RAB38: variants seen among roughly 807,000 people sequenced by gnomAD.
The protein encoded by RAB38 is ras-related protein Rab-38.
In RAB38, 15 loss-of-function variants were observed where a neutral mutation model predicts 18.4. The observed-to-expected ratio is 0.82, with a 90% CI of 0.55 to 1.26. The LOEUF is 1.26. Ranked by LOEUF, RAB38 falls within the 50% of genes most tolerant of loss-of-function variation. The pLI is 0.00. For synonymous variants in RAB38, 101 were observed against 104.4 expected, an observed-to-expected ratio of 0.97 and a Z score of 0.20; for missense variants, 294 against 267.4, an observed-to-expected ratio of 1.10 and a Z score of -0.69.
chr11:88,035,992 AAAATT>A, the RAB38 span, among the ~76,000 whole-genome samples: 42 of 152,274 alleles, frequency 2.8e-4, no homozygotes, highest in East Asian at 4.0e-3. Flanking sequence ...AAAAAATAAT[AAAATT>A]AAATTAAATT....
chr11:87,870,776 G>T, the RAB38 span, among the ~76,000 whole-genome samples: 11 of 151,592 alleles, frequency 7.3e-5, no homozygotes, highest in Non-Finnish European at 1.3e-4. Flanking sequence ...GAAAGAGGGG[G>T]TTGAAAGTGA....
the RAB38 span, among the ~76,000 whole-genome samples, chr11:88,066,891 T>C: frequency 6.6e-6 from 1 of 152,234 alleles, no homozygotes; most frequent in Non-Finnish European, 1.5e-5. Flanking sequence ...CACATTTTCA[T>C]TACTTCAGAA....
At chr11:88,049,703 G>C in the RAB38 span, among the ~76,000 whole-genome samples, 1,916 of 152,190 alleles carry the variant, frequency 0.013, 46 homozygotes, top group African/African-American at 0.044. Flanking sequence ...CCTGCTCTTT[G>C]CTCCGTGAGA....
chr11:87,873,922 G>GTATATATATATATATA, the RAB38 span, among the ~76,000 whole-genome samples: 570 of 102,974 alleles, frequency 5.5e-3, 8 homozygotes, highest in African/African-American at 0.012. Context: ...GTGTGTGTGT[G>GTATATATATATATATA]TATATATATA....
the RAB38 span, among the ~76,000 whole-genome samples, chr11:88,081,809 T>C: frequency 6.6e-6 from 1 of 151,920 alleles, no homozygotes; most frequent in Non-Finnish European, 1.5e-5. Flanking sequence ...GAACGCCACA[T>C]TCAACCCTCT....
the RAB38 span, among the ~76,000 whole-genome samples, chr11:88,026,461 G>A: frequency 3.3e-5 from 5 of 151,028 alleles, no homozygotes; most frequent in South Asian, 2.1e-4. Context: ...TACTCAGGAG[G>A]CTGAGGCAGG....
At chr11:88,164,634 C>T (rs1943227594) in intron 1 of RAB38, among the ~76,000 whole-genome samples, 1 of 148,306 alleles carries the variant, frequency 6.7e-6, no homozygotes, top group African/African-American at 2.5e-5. Context: ...TATGCGTTCT[C>T]TTTTTTTTTC....
At chr11:87,954,146 G>A in the RAB38 span, among the ~76,000 whole-genome samples, 1 of 152,162 alleles carries the variant, frequency 6.6e-6, no homozygotes, top group African/African-American at 2.4e-5. Flanking sequence ...TTAAAATGTA[G>A]TCTTGTGTCT....
the RAB38 span, among the ~76,000 whole-genome samples, chr11:88,037,797 A>T: frequency 6.6e-6 from 1 of 152,156 alleles, no homozygotes; most frequent in Non-Finnish European, 1.5e-5. Context: ...TCCATTGTAA[A>T]GATATAATAA....
chr11:88,113,918 A>G lies in RAB38; in HGVS notation c.*70T>C. 2 of 1,578,090 alleles carry G rather than the reference A, an allele frequency of 1.3e-6. No homozygotes were observed. The highest frequency in any genetic ancestry group is 1.7e-6 in the Non-Finnish European group (2 of 1,149,164). ...ATCTCTATCCTGACGTTTACCCAAA[A>G]TGGTAAAAATAGAGGCACAATTTGT... On this transcript the variant is annotated 3_prime_UTR_variant, in exon 3 of 3. Coordinates refer to ENST00000243662, the MANE Select transcript of RAB38 (RefSeq NM_022337.3).
chr11:88,142,191 T>G (rs1942923567), intron 2 of RAB38, among the ~76,000 whole-genome samples: 1 of 152,220 alleles, frequency 6.6e-6, no homozygotes. Flanking sequence ...TTGCAGATCA[T>G]GGAAAATGTG....
chr11:88,028,332 C>T, the RAB38 span, among the ~76,000 whole-genome samples: 3 of 152,196 alleles, frequency 2.0e-5, no homozygotes, highest in African/African-American at 7.2e-5. Context: ...CTCTCCTCCT[C>T]CAAAGGAATG....
the RAB38 span, among the ~76,000 whole-genome samples, chr11:87,937,408 ATTGTT>A: frequency 6.9e-6 from 1 of 144,776 alleles, no homozygotes; most frequent in Non-Finnish European, 1.5e-5. Flanking sequence ...TGGTTTGTAG[ATTGTT>A]TTGTACTGTC....
the RAB38 span, among the ~76,000 whole-genome samples, chr11:87,862,246 C>G: frequency 1.3e-5 from 2 of 151,886 alleles, no homozygotes; most frequent in African/African-American, 4.8e-5. Context: ...ATAGCAAAGA[C>G]ATAGAATCAA....
chr11:87,958,305 T>A, the RAB38 span, among the ~76,000 whole-genome samples: 3 of 152,202 alleles, frequency 2.0e-5, no homozygotes, highest in Non-Finnish European at 4.4e-5. Context: ...AAGATGCATT[T>A]CTTAGCTACA....
chr11:87,951,335 T>C, the RAB38 span, among the ~76,000 whole-genome samples: 1 of 152,252 alleles, frequency 6.6e-6, no homozygotes, highest in South Asian at 2.1e-4. Context: ...TGCCATTGGT[T>C]CGAATTTCCT....
At chr11:87,944,107 T>A in the RAB38 span, among the ~76,000 whole-genome samples, 1 of 152,174 alleles carries the variant, frequency 6.6e-6, no homozygotes. Flanking sequence ...ATGTTTATAC[T>A]ATGGTCTATT....
chr11:87,879,087 G>A, the RAB38 span, among the ~76,000 whole-genome samples: 26 of 150,424 alleles, frequency 1.7e-4, no homozygotes, highest in African/African-American at 4.1e-4. Flanking sequence ...CACTCTGGTC[G>A]TTTGCTTTGC....
intron 2 of RAB38, 64 bp downstream of exon 2, chr11:88,149,611 G>A: frequency 6.7e-7 from 1 of 1,503,372 alleles, no homozygotes; most frequent in Non-Finnish European, 9.0e-7. Context: ...TGATGGTGAT[G>A]ATTATGTGCC....
Sources: gnomAD v4.1 joint callset for allele counts (sites outside exome capture counted in the v4.1 genomes callset) on GRCh38, gnomAD v4.1.1 for gene constraint, MANE v1.5 for transcripts, NCBI Gene and HGNC (gene_info 2026-07-23, HGNC 2026-07-21) for gene names.